HSF1: variants seen among roughly 807,000 people sequenced by gnomAD.
HSF1 encodes the protein heat shock factor protein 1.
HSF1 carries 32 observed loss-of-function variants against 51.7 expected under a neutral mutation model. That is an observed-to-expected ratio of 0.62 (90% CI 0.47 to 0.83). The LOEUF is 0.83. Among genes scored for constraint, HSF1 ranks in the 40% least tolerant of loss-of-function variants. The probability of loss-of-function intolerance (pLI) is 0.00; values close to 1 mark genes in which losing one functional copy is unlikely to be tolerated. For missense variants in HSF1, 727 were observed against 717.0 expected, an observed-to-expected ratio of 1.01 and a Z score of -0.16; for synonymous variants, 396 against 309.7, an observed-to-expected ratio of 1.28 and a Z score of -2.92.
rs782497525 is a variant in HSF1 at position 144,311,462 on chromosome 8, C to T, written c.627-43C>T. The T allele has an allele frequency of 6.2e-6, 10 of 1,612,884 alleles. No individual in the cohort carries two copies. In the East Asian group the frequency reaches 1.6e-4, roughly 25 times the overall value. ...TCTCTGTCAGCTGTGCCCCGGGTAC[C>T]CCGAGGTGGGGGGTGGTGGCTGACC... On this transcript the variant is annotated intron_variant, in intron 6 of 12. Transcript: ENST00000528838.
intron 1 of HSF1, among the ~76,000 whole-genome samples, chr8:144,308,635 C>T (rs1374865122): frequency 6.6e-6 from 1 of 152,176 alleles, no homozygotes; most frequent in South Asian, 2.1e-4. Context: ...AGGGGCTTTC[C>T]GACTGAGAGG....
rs1816664950 is a variant in HSF1, at chr8:144,311,594, C to A, written c.716C>A (p.Pro239His). 6.2e-7 allele frequency: 1 copy of A among 1,613,438 alleles called. No individual in the cohort carries two copies. Among genetic ancestry groups the A allele is most frequent in the Non-Finnish European group, 8.5e-7 (1 of 1,179,970 alleles). ...CTGGAGCACGTCCACGGCTCGGGCC[C>A]CTACTCGGTGAGTGCCGGAGACAGG... ...FSLEHVHGSG[P>H]YSAPSPAYSS... is the part of the protein sequence containing the mutation. The change falls in exon 7 of 13, where the codon CCC (proline) becomes CAC (histidine). Residue 239 changes from proline (P) to histidine (H), a missense_variant. Pro to His is a moderately conservative substitution (Grantham distance 77). Around this residue, in one of 2 missense-constraint regions of HSF1, gnomAD observed 470 missense variants for 398.8 expected, o/e 1.18. Coordinates refer to ENST00000528838, the MANE Select transcript of HSF1 (RefSeq NM_005526.4).
intron 1 of HSF1, among the ~76,000 whole-genome samples, chr8:144,300,524 T>G (rs1815797260): frequency 6.6e-6 from 1 of 152,194 alleles, no homozygotes; most frequent in Non-Finnish European, 1.5e-5. Flanking sequence ...TGTGTACTCT[T>G]GATAGGATGA....
chr8:144,295,269 A>G (rs1291171460), intron 1 of HSF1, among the ~76,000 whole-genome samples: 1 of 152,274 alleles, frequency 6.6e-6, no homozygotes, highest in Non-Finnish European at 1.5e-5. Flanking sequence ...GTGAAGCCTC[A>G]GAACTGGGTT....
At chr8:144,300,420 T>C (rs1479014485) in intron 1 of HSF1, among the ~76,000 whole-genome samples, 3 of 152,026 alleles carry the variant, frequency 2.0e-5, no homozygotes, top group Non-Finnish European at 2.9e-5. Flanking sequence ...GGTTTCACCG[T>C]GTTAGCCAGG....
rs782775392 is a variant in HSF1 at position 144,309,476 on chromosome 8, A to G, written c.248A>G (p.His83Arg). ...GCAGATGGCTTCCGGAAAGTGGTCC[A>G]CATCGAGCAGGGCGGCCTGGTCAAG... ...LNMYGFRKVVHIEQGGLVKPE... is the reference protein window; with the variant it reads ...LNMYGFRKVVRIEQGGLVKPE... Residue 83 changes from histidine to arginine, a missense_variant, in exon 3 of 13, where the codon CAC (histidine) becomes CGC (arginine). By Grantham distance (29) the His-to-Arg change is conservative. This residue lies in a region of HSF1 where 257 missense variants were observed against 318.3 expected (regional missense o/e 0.81). Transcript: ENST00000528838. 36 of 1,613,876 alleles carry G rather than the reference A, an allele frequency of 2.2e-5. No individual in the cohort carries two copies. Among genetic ancestry groups the G allele is most frequent in the Non-Finnish European group, 3.1e-5 (36 of 1,180,008 alleles).
intron 1 of HSF1, among the ~76,000 whole-genome samples, chr8:144,300,939 A>G (rs1468052045): frequency 6.6e-6 from 1 of 152,238 alleles, no homozygotes; most frequent in Non-Finnish European, 1.5e-5. Flanking sequence ...GAGTCACCGG[A>G]GCGGTTTAAC....
chr8:144,312,983 A>G (rs1816791152), intron 9 of HSF1: 1 of 536,930 alleles, frequency 1.9e-6, no homozygotes, highest in Admixed American at 3.2e-5. Context: ...TGCTGACTGC[A>G]CTTCCTGTCA....
rs782591685 is a variant in HSF1 at position 144,313,866 on chromosome 8, C to A, written c.1269C>A (p.Thr423=). The change falls in exon 11 of 13, where the codon ACC becomes ACA. Residue 423 remains threonine, a synonymous_variant. Transcript: ENST00000528838. ...ALLDLFSPSV[T]VPDMSLPDLD... is the part of the protein sequence containing the mutation. Reference sequence around the variant, plus strand: ...CGCAGCTGTTCAGCCCCTCGGTGACCGTGCCCGACATGAGCCTGCCTGACC... The same window carrying A: ...CGCAGCTGTTCAGCCCCTCGGTGACAGTGCCCGACATGAGCCTGCCTGACC... 4 of 1,601,348 alleles carry A rather than the reference C, an allele frequency of 2.5e-6. No homozygotes were observed. Among genetic ancestry groups the A allele is most frequent in the Non-Finnish European group, 3.4e-6 (4 of 1,176,584 alleles).
chr8:144,314,500 T>G lies in HSF1; in HGVS notation c.*170T>G. 1 of 625,356 alleles carries G rather than the reference T, an allele frequency of 1.6e-6. No homozygotes were observed. The highest frequency in any genetic ancestry group is 2.0e-5 in the South Asian group (1 of 50,284). 38.7% of individuals were successfully genotyped at this position (625,356 alleles called of 1,614,324 possible). A position where few individuals can be genotyped will look rare whatever the true frequency, so the allele number is the denominator to read the frequency against. ...GCACCTCTGGTCAGGAGGGTCACCC[T>G]GGCCTGCCAGTCTGCCTTCCCCCAA... On this transcript the variant is annotated 3_prime_UTR_variant, in exon 13 of 13. Coordinates refer to ENST00000528838, the MANE Select transcript of HSF1 (RefSeq NM_005526.4).
At chr8:144,311,272 G>T (rs782446201) in intron 5 of HSF1, 23 bp downstream of exon 5, 1 of 1,610,870 alleles carries the variant, frequency 6.2e-7, no homozygotes, top group South Asian at 1.1e-5. Context: ...CCAGAGGGCC[G>T]GCGGGGGCCC....
chr8:144,305,153 G>A (rs1462610296), intron 1 of HSF1, among the ~76,000 whole-genome samples: 1 of 151,622 alleles, frequency 6.6e-6, no homozygotes, highest in African/African-American at 2.4e-5. Flanking sequence ...CCCCATGTTG[G>A]CCAGGCTGGT....
chr8:144,301,763 G>A (rs1163047188), intron 1 of HSF1, among the ~76,000 whole-genome samples: 1 of 151,926 alleles, frequency 6.6e-6, no homozygotes, highest in African/African-American at 2.4e-5. Context: ...TACTCGGGAG[G>A]CTGAGGCAGG....
chr8:144,307,962 T>A (rs1057389608), intron 1 of HSF1, among the ~76,000 whole-genome samples: 3 of 152,244 alleles, frequency 2.0e-5, no homozygotes, highest in Non-Finnish European at 4.4e-5. Flanking sequence ...TCCGTGACCG[T>A]TTCCCTCCCT....
chr8:144,299,953 A>T (rs969270624), intron 1 of HSF1, among the ~76,000 whole-genome samples: 1 of 152,166 alleles, frequency 6.6e-6, no homozygotes, highest in Admixed American at 6.6e-5. Context: ...TACAGAAAAG[A>T]AGCAAGTTGG....
At chr8:144,293,899 T>C (rs1815280439) in intron 1 of HSF1, among the ~76,000 whole-genome samples, 1 of 151,498 alleles carries the variant, frequency 6.6e-6, no homozygotes, top group South Asian at 2.1e-4. Context: ...TTAAAGATTA[T>C]GAGGCATGTG....
At chr8:144,299,809 T>C (rs1420357808) in intron 1 of HSF1, among the ~76,000 whole-genome samples, 1 of 152,106 alleles carries the variant, frequency 6.6e-6, no homozygotes, top group Non-Finnish European at 1.5e-5. Flanking sequence ...CTCCAGAGGC[T>C]GAGGCAGGAG....
intron 4 of HSF1, chr8:144,310,434 TCA>T (rs1247672866): frequency 1.9e-5 from 3 of 155,000 alleles, no homozygotes; most frequent in African/African-American, 7.2e-5. Context: ...AGCTCAGGTC[TCA>T]CGTCCACTTT....
At position 144,311,819 on chromosome 8, in the gene HSF1, C is replaced by A. The variant is rs556226235; in HGVS notation, c.843C>A (p.Gly281=). The change falls in exon 8 of 13, where the codon GGC becomes GGA. Residue 281 remains glycine, a synonymous_variant. Coordinates refer to ENST00000528838, the MANE Select transcript of HSF1 (RefSeq NM_005526.4). Reference sequence around the variant, plus strand: ...CTGCCAGCCCCATGGCCTCCCCCGGCGGGAGCATAGACGAGAGGTGGGGGC... The same window carrying A: ...CTGCCAGCCCCATGGCCTCCCCCGGAGGGAGCATAGACGAGAGGTGGGGGC... ...LAPASPMASP[G]GSIDERPLSS... is the part of the protein sequence containing the mutation. The A allele has an allele frequency of 4.3e-6, 7 of 1,609,508 alleles. No homozygotes were observed. In the African/African-American group the frequency reaches 8.0e-5, roughly 18 times the overall value.
Sources: gnomAD v4.1 joint callset for allele counts (sites outside exome capture counted in the v4.1 genomes callset) on GRCh38, gnomAD v4.1.1 for gene constraint, gnomAD v4.1.1 regional missense constraint, MANE v1.5 for transcripts, NCBI Gene and HGNC (gene_info 2026-07-23, HGNC 2026-07-21) for gene names.